The following CNTN5 variants were observed in gnomAD, a reference collection of about 807,000 sequenced individuals.
CNTN5 encodes contactin 5, also known as contactin-5.
CNTN5 carries 77 observed loss-of-function variants against 129.1 expected under a neutral mutation model. The ratio of observed to expected loss-of-function variants is 0.60; its 90% CI spans 0.50 to 0.72. CNTN5 has a LOEUF of 0.72. Ranked by LOEUF, CNTN5 falls within the 30% of genes least tolerant of loss-of-function variation. The pLI is 0.00. For missense variants in CNTN5, 1,478 were observed against 1,328.8 expected (o/e 1.11, Z -1.75); for synonymous variants, 509 against 465.6 (o/e 1.09, Z -1.20).
intron 1 of CNTN5, among the ~76,000 whole-genome samples, chr11:99,253,997 T>C (rs1006681393): frequency 6.6e-6 from 1 of 150,826 alleles, no homozygotes; most frequent in Non-Finnish European, 1.5e-5. Flanking sequence ...TGTGAAACAA[T>C]GTTTAAATAG....
At chr11:99,601,795 C>A (rs902952185) in intron 3 of CNTN5, among the ~76,000 whole-genome samples, 1 of 152,146 alleles carries the variant, frequency 6.6e-6, no homozygotes, top group African/African-American at 2.4e-5. Context: ...AGCCAGCCAC[C>A]TGGCAACTAG....
At chr11:99,657,404 A>G (rs1456238002) in intron 3 of CNTN5, among the ~76,000 whole-genome samples, 1 of 152,116 alleles carries the variant, frequency 6.6e-6, no homozygotes, top group Admixed American at 6.6e-5. Flanking sequence ...GACCGGAAGT[A>G]CACATTGGGC....
chr11:99,784,171 T>A (rs1945423754), intron 3 of CNTN5, among the ~76,000 whole-genome samples: 1 of 152,094 alleles, frequency 6.6e-6, no homozygotes, highest in African/African-American at 2.4e-5. Context: ...ATACTTTAAG[T>A]TCTGGGATAC....
At chr11:99,410,831 G>A (rs1331498255) in intron 2 of CNTN5, among the ~76,000 whole-genome samples, 1 of 152,158 alleles carries the variant, frequency 6.6e-6, no homozygotes, top group Non-Finnish European at 1.5e-5. Flanking sequence ...TCTATTCCCT[G>A]ATAATCATTT....
At chr11:100,199,244 CATT>C (rs147941782) in intron 15 of CNTN5, among the ~76,000 whole-genome samples, 5,848 of 151,946 alleles carry the variant, frequency 0.038, 247 homozygotes, top group African/African-American at 0.1. Context: ...CTCTTAGACT[CATT>C]ATGTTTGCTA....
chr11:99,233,300 T>C (rs1007218297), intron 1 of CNTN5, among the ~76,000 whole-genome samples: 3 of 152,226 alleles, frequency 2.0e-5, no homozygotes, highest in Non-Finnish European at 4.4e-5. Context: ...CTTAACTTTC[T>C]TGTAGCCAGT....
At chr11:99,748,152 G>A (rs1944117339) in intron 3 of CNTN5, among the ~76,000 whole-genome samples, 1 of 151,956 alleles carries the variant, frequency 6.6e-6, no homozygotes, top group Admixed American at 6.6e-5. Flanking sequence ...AATTTTTCAG[G>A]GATATATTGC....
chr11:99,702,286 A>G (rs1299089347), intron 3 of CNTN5, among the ~76,000 whole-genome samples: 1 of 151,008 alleles, frequency 6.6e-6, no homozygotes, highest in East Asian at 1.9e-4. Flanking sequence ...GGCTAATAAT[A>G]ATGAAAAATT....
chr11:99,571,430 CAG>C (rs1949171016), intron 3 of CNTN5, among the ~76,000 whole-genome samples: 1 of 152,138 alleles, frequency 6.6e-6, no homozygotes, highest in Non-Finnish European at 1.5e-5. Flanking sequence ...ATAATGGAAA[CAG>C]ATAATCACAA....
At chr11:100,207,766 G>A (rs1028476294) in intron 15 of CNTN5, among the ~76,000 whole-genome samples, 5 of 152,126 alleles carry the variant, frequency 3.3e-5, no homozygotes, top group South Asian at 2.1e-4. Flanking sequence ...CACTGAGCTC[G>A]TCACATCACT....
intron 3 of CNTN5, among the ~76,000 whole-genome samples, chr11:99,690,856 C>A (rs1591485352): frequency 6.6e-6 from 1 of 152,008 alleles, no homozygotes; most frequent in East Asian, 1.9e-4. Context: ...TTTTGTACAT[C>A]TGGTACAATT....
chr11:99,626,133 A>G (rs912624451), intron 3 of CNTN5, among the ~76,000 whole-genome samples: 7 of 152,008 alleles, frequency 4.6e-5, no homozygotes, highest in South Asian at 2.1e-4. Flanking sequence ...TAGAAATTGC[A>G]GGAAGAAGGA....
chr11:99,639,038 T>G (rs1404766231), intron 3 of CNTN5, among the ~76,000 whole-genome samples: 4 of 152,230 alleles, frequency 2.6e-5, no homozygotes, highest in African/African-American at 9.6e-5. Context: ...AGCAAACTTT[T>G]GCCTGTGCAT....
chr11:99,136,710 G>A (rs1001886409), intron 1 of CNTN5, among the ~76,000 whole-genome samples: 1 of 152,046 alleles, frequency 6.6e-6, no homozygotes, highest in Non-Finnish European at 1.5e-5. Context: ...AAGAGGAAAT[G>A]GCCATATATA....
intron 1 of CNTN5, chr11:99,049,693 T>C (rs768012303): frequency 2.0e-4 from 31 of 152,106 alleles, no homozygotes; most frequent in Admixed American, 4.6e-4. Flanking sequence ...TTCACATCCA[T>C]GGTTTCTGCA....
intron 4 of CNTN5, among the ~76,000 whole-genome samples, chr11:99,822,727 A>G (rs1250287732): frequency 6.6e-6 from 1 of 152,222 alleles, no homozygotes; most frequent in Non-Finnish European, 1.5e-5. Flanking sequence ...TCCTGTAGTG[A>G]CTAGACACTA....
chr11:99,830,182 A>G (rs1947094272), intron 4 of CNTN5, among the ~76,000 whole-genome samples: 1 of 152,032 alleles, frequency 6.6e-6, no homozygotes, highest in South Asian at 2.1e-4. Flanking sequence ...GCTGTTTTTG[A>G]TGGCGGAAAT....
intron 3 of CNTN5, among the ~76,000 whole-genome samples, chr11:99,708,365 A>G (rs1411825269): frequency 5.3e-5 from 8 of 151,814 alleles, no homozygotes; most frequent in Non-Finnish European, 8.8e-5. Context: ...TGCTTTAAAT[A>G]CATGCATTTG....
At chr11:99,665,341 A>G (rs1367519195) in intron 3 of CNTN5, among the ~76,000 whole-genome samples, 2 of 152,150 alleles carry the variant, frequency 1.3e-5, no homozygotes, top group African/African-American at 2.4e-5. Flanking sequence ...TTTGAAGAGT[A>G]GTAATCGTGG....
Sources: gnomAD v4.1 joint callset for allele counts (sites outside exome capture counted in the v4.1 genomes callset) on GRCh38, gnomAD v4.1.1 for gene constraint, MANE v1.5 for transcripts, NCBI Gene and HGNC (gene_info 2026-07-23, HGNC 2026-07-21) for gene names.